DOCK5: variants seen among roughly 807,000 people sequenced by gnomAD.
DOCK5 encodes dedicator of cytokinesis 5.
DOCK5 carries 142 observed loss-of-function variants against 251.8 expected under a neutral mutation model. The ratio of observed to expected loss-of-function variants is 0.56; its 90% confidence interval spans 0.49 to 0.65. The LOEUF (loss-of-function observed/expected upper bound fraction) is 0.65, where lower values mean the gene tolerates loss of function less well. Ranked by LOEUF, DOCK5 falls within the 30% of genes least tolerant of loss-of-function variation. The pLI is 0.00. For synonymous variants in DOCK5, 842 were observed against 835.5 expected (o/e 1.01, Z -0.13); for missense variants, 2,111 against 2,312.3 (o/e 0.91, Z 1.79).
At chr8:25,285,714 G>A (rs977635306) in intron 5 of DOCK5, among the ~76,000 whole-genome samples, 17 of 152,148 alleles carry the variant, frequency 1.1e-4, no homozygotes, top group South Asian at 2.1e-4. Flanking sequence ...CTGCTGGAAC[G>A]TAATCTCTGA....
intron 40 of DOCK5, among the ~76,000 whole-genome samples, chr8:25,388,530 CA>C (rs1685259231): frequency 6.6e-6 from 1 of 152,190 alleles, no homozygotes; most frequent in Non-Finnish European, 1.5e-5. Flanking sequence ...ATTAGACTTT[CA>C]GGATTGGCTG....
intron 1 of DOCK5, among the ~76,000 whole-genome samples, chr8:25,215,178 C>T (rs2117485887): frequency 6.6e-6 from 1 of 152,258 alleles, no homozygotes; most frequent in African/African-American, 2.4e-5. Flanking sequence ...AACAATGGCT[C>T]AGCTGGACTC....
At chr8:25,271,652 C>T (rs371324165) in intron 3 of DOCK5, among the ~76,000 whole-genome samples, 1 of 152,144 alleles carries the variant, frequency 6.6e-6, no homozygotes, top group Admixed American at 6.5e-5. Context: ...AGAAGCCAAG[C>T]GCTTTTCCGA....
At chr8:25,327,831 A>G (rs1007943707) in intron 18 of DOCK5, among the ~76,000 whole-genome samples, 6 of 152,198 alleles carry the variant, frequency 3.9e-5, no homozygotes, top group African/African-American at 4.8e-5. Context: ...CCTCGTGTCT[A>G]TAGTTAATAG....
intron 46 of DOCK5, among the ~76,000 whole-genome samples, chr8:25,400,350 T>C (rs1801417242): frequency 6.6e-6 from 1 of 151,556 alleles, no homozygotes; most frequent in African/African-American, 2.4e-5. Context: ...ACTACAAAAT[T>C]AGCCAGGCAT....
chr8:25,338,294 G>A (rs1194446453), intron 22 of DOCK5, among the ~76,000 whole-genome samples: 4 of 151,978 alleles, frequency 2.6e-5, no homozygotes, highest in African/African-American at 4.8e-5. Flanking sequence ...GCCCACCTCC[G>A]CCTCCCAAAG....
intron 2 of DOCK5, among the ~76,000 whole-genome samples, chr8:25,263,703 G>C (rs1426456778): frequency 6.6e-6 from 1 of 151,398 alleles, no homozygotes; most frequent in African/African-American, 2.4e-5. Flanking sequence ...CTTAGGCTCT[G>C]ACACCCCGTC....
intron 4 of DOCK5, chr8:25,277,243 G>A (rs1271832749): frequency 6.5e-6 from 1 of 153,292 alleles, no homozygotes; most frequent in Non-Finnish European, 1.5e-5. Context: ...CACAAGAAGT[G>A]ACAGGATAAG....
rs756706902 is a variant in DOCK5, at chr8:25,390,249, C to T, written c.4317C>T (p.Pro1439=). The T allele has an allele frequency of 6.3e-7, 1 of 1,593,202 alleles. No homozygotes were observed. Among genetic ancestry groups the T allele is most frequent in the Non-Finnish European group, 8.6e-7 (1 of 1,169,398 alleles). Reference sequence around the variant, plus strand: ...TAAAGCCAGTGATGAGCTTGCCGCCCAGCTACAAGGATAAACCTGTTCCAG... The same window carrying T: ...TAAAGCCAGTGATGAGCTTGCCGCCTAGCTACAAGGATAAACCTGTTCCAG... ...FTVKPVMSLP[P]SYKDKPVPEQ... The change falls in exon 42 of 52, where the codon CCC becomes CCT. Residue 1439 remains proline (P), a synonymous_variant. Coordinates refer to ENST00000276440, the MANE Select transcript of DOCK5 (RefSeq NM_024940.8).
intron 41 of DOCK5, 116 bp from the exon 42 acceptor site, chr8:25,390,090 A>G (rs1387341602): frequency 4.1e-6 from 3 of 735,236 alleles, no homozygotes; most frequent in Non-Finnish European, 6.4e-6. Flanking sequence ...ATTGGGGTCA[A>G]AGGGAGTGAT....
chr8:25,265,985 A>G (rs974546118), intron 2 of DOCK5, among the ~76,000 whole-genome samples: 2 of 151,894 alleles, frequency 1.3e-5, no homozygotes, highest in African/African-American at 2.4e-5. Flanking sequence ...CGAAAGAGCA[A>G]CCCTCAGCAT....
intron 51 of DOCK5, among the ~76,000 whole-genome samples, chr8:25,410,972 T>TGTGTGTGTGTGTGTGC (rs1331552371): frequency 0.011 from 208 of 19,158 alleles, no homozygotes; most frequent in Non-Finnish European, 0.022. Context: ...TGTGTGTGTG[T>TGTGTGTGTGTGTGTGC]GCGCGCGCGC....
intron 6 of DOCK5, among the ~76,000 whole-genome samples, chr8:25,293,086 G>A (rs1804536002): frequency 6.6e-6 from 1 of 152,180 alleles, no homozygotes; most frequent in Non-Finnish European, 1.5e-5. Context: ...TATCCAAATT[G>A]GTGGTGGCCT....
intron 1 of DOCK5, among the ~76,000 whole-genome samples, chr8:25,186,038 A>G (rs1041510696): frequency 2.6e-5 from 4 of 152,092 alleles, no homozygotes; most frequent in Non-Finnish European, 5.9e-5. Flanking sequence ...TCCCTTACTG[A>G]GGTCCTGTTT....
intron 1 of DOCK5, among the ~76,000 whole-genome samples, chr8:25,194,284 ACT>A (rs1801662797): frequency 6.6e-6 from 1 of 152,050 alleles, no homozygotes; most frequent in African/African-American, 2.4e-5. Context: ...ACAGAGCAAG[ACT>A]CTGTCTCAAA....
In DOCK5 at chr8:25,414,924, A is replaced by ATTTTTTTTTTTTTTTTTTTTT. The variant is rs1205298349; in HGVS notation, c.*3630_*3631insTTTTTTTTTTTTTTTTTTTTT. The ATTTTTTTTTTTTTTTTTTTTT allele has an allele frequency of 1.2e-4, 8 of 64,212 alleles. No individual in the cohort carries two copies. The highest frequency in any genetic ancestry group is 1.2e-4 in the African/African-American group (2 of 16,656). The allele number at this position is 64,212 out of a possible 1,614,324, so 4.0% of individuals were successfully genotyped here. A position where few individuals can be genotyped will look rare whatever the true frequency, so the allele number is the denominator to read the frequency against. On this transcript the variant is annotated 3_prime_UTR_variant, in exon 52 of 52. Coordinates refer to ENST00000276440, the MANE Select transcript of DOCK5 (RefSeq NM_024940.8). Reference sequence around the variant, plus strand: ...CTGGGCCTGTCTTTTTTTTTTTTTAATTTTGAAGCTACCTGAGGTTTAGAA... The same window carrying ATTTTTTTTTTTTTTTTTTTTT: ...CTGGGCCTGTCTTTTTTTTTTTTTAATTTTTTTTTTTTTTTTTTTTTTTTTGAAGCTACCTGAGGTTTAGAA...
chr8:25,290,221 A>G (rs1361019690), intron 5 of DOCK5, among the ~76,000 whole-genome samples: 1 of 152,206 alleles, frequency 6.6e-6, no homozygotes, highest in East Asian at 1.9e-4. Context: ...CATTTAGGTC[A>G]GGGGTGTCCA....
intron 24 of DOCK5, among the ~76,000 whole-genome samples, chr8:25,342,070 T>C (rs1805968128): frequency 6.6e-6 from 1 of 152,176 alleles, no homozygotes; most frequent in African/African-American, 2.4e-5. Context: ...CTTCCAGCCC[T>C]ACCCCTAAGT....
intron 2 of DOCK5, among the ~76,000 whole-genome samples, chr8:25,252,344 G>T (rs920712085): frequency 2.6e-5 from 4 of 152,172 alleles, no homozygotes; most frequent in African/African-American, 9.7e-5. Context: ...TTCAATAGGG[G>T]TGTCCAAGGT....
Sources: allele counts gnomAD v4.1 joint callset (sites outside exome capture counted in the v4.1 genomes callset), GRCh38; gene constraint gnomAD v4.1.1; transcripts MANE v1.5; gene names NCBI Gene and HGNC (gene_info 2026-07-23, HGNC 2026-07-21).